SPAG16: variants seen among roughly 807,000 people sequenced by gnomAD.
SPAG16 encodes sperm-associated antigen 16 protein.
A neutral mutation model predicts 80.4 loss-of-function variants in SPAG16; 86 were observed. The ratio of observed to expected loss-of-function variants is 1.07; its 90% CI spans 0.90 to 1.28. The LOEUF is 1.28. SPAG16 is among the 50% of genes most tolerant of loss of function. The pLI is 0.00. For missense variants in SPAG16, 870 were observed against 765.3 expected (o/e 1.14, Z -1.61); for synonymous variants, 294 against 265.9 (o/e 1.11, Z -1.03).
intron 15 of SPAG16, among the ~76,000 whole-genome samples, chr2:214,276,732 T>C (rs1336877494): frequency 6.6e-6 from 1 of 152,184 alleles, no homozygotes; most frequent in Non-Finnish European, 1.5e-5. Context: ...CATTTTTTCC[T>C]TCATTTGAAC....
At chr2:213,859,280 A>G (rs74538847) in intron 10 of SPAG16, among the ~76,000 whole-genome samples, 7,164 of 150,646 alleles carry the variant, frequency 0.048, 201 homozygotes, top group East Asian at 0.072. Flanking sequence ...AAGAAAATGA[A>G]TTAAAGATCT....
At chr2:213,897,530 T>C (rs1202097224) in intron 11 of SPAG16, among the ~76,000 whole-genome samples, 3 of 152,198 alleles carry the variant, frequency 2.0e-5, no homozygotes, top group African/African-American at 7.2e-5. Flanking sequence ...TCTTTATGTT[T>C]CTACATCCAC....
intron 10 of SPAG16, among the ~76,000 whole-genome samples, chr2:213,719,554 G>C (rs1482343184): frequency 6.6e-6 from 1 of 152,212 alleles, no homozygotes; most frequent in African/African-American, 2.4e-5. Context: ...CAGGATGTGG[G>C]TGGGGCCAGA....
At chr2:214,296,943 TCTGTCACCATGTGGCATG>T (rs369891179) in intron 15 of SPAG16, among the ~76,000 whole-genome samples, 1 of 152,194 alleles carries the variant, frequency 6.6e-6, no homozygotes, top group Non-Finnish European at 1.5e-5. Context: ...TCTTGTTCAC[TCTGTCACCATGTGGCATG>T]CTGGCTCCCC....
intron 15 of SPAG16, among the ~76,000 whole-genome samples, chr2:214,347,264 G>A (rs1698113081): frequency 6.6e-6 from 1 of 152,074 alleles, no homozygotes; most frequent in Non-Finnish European, 1.5e-5. Context: ...TCTGAGCAGA[G>A]TGTTGAAGAT....
At chr2:213,499,531 A>T (rs1423807610) in intron 10 of SPAG16, among the ~76,000 whole-genome samples, 1 of 152,132 alleles carries the variant, frequency 6.6e-6, no homozygotes, top group Non-Finnish European at 1.5e-5. Context: ...CAGGTTTTTC[A>T]ACATACTGTG....
At chr2:213,677,973 A>G (rs1252579100) in intron 10 of SPAG16, among the ~76,000 whole-genome samples, 7 of 151,878 alleles carry the variant, frequency 4.6e-5, no homozygotes, top group African/African-American at 9.7e-5. Context: ...CTCACTCAAA[A>G]CCGCTCAACT....
At chr2:213,976,330 G>A (rs1318657636) in intron 12 of SPAG16, among the ~76,000 whole-genome samples, 2 of 148,568 alleles carry the variant, frequency 1.3e-5, no homozygotes, top group Admixed American at 1.3e-4. Flanking sequence ...GTACGCATGT[G>A]TGCACATATA....
In SPAG16 at chr2:214,273,256, A is replaced by G. The variant is rs573985541; in HGVS notation, c.1720+123990A>G. Among the ~76,000 whole-genome samples the G allele has an allele frequency of 1.1e-3, 168 of 152,062 alleles. 1 individual carries two copies. Among genetic ancestry groups the G allele is most frequent in the African/African-American group, 3.9e-3 (160 of 41,474 alleles). On this transcript the variant is annotated intron_variant, in intron 15 of 15. Transcript: ENST00000331683. ...ATTCTGTAGGTTGCCTGTTCACTCTAATGGTAGTTTCTTTTGCTGTGCAGA... is the reference window on the plus strand; with the variant it reads ...ATTCTGTAGGTTGCCTGTTCACTCTGATGGTAGTTTCTTTTGCTGTGCAGA...
At chr2:214,004,824 A>T (rs2046956208) in intron 12 of SPAG16, among the ~76,000 whole-genome samples, 1 of 152,086 alleles carries the variant, frequency 6.6e-6, no homozygotes, top group African/African-American at 2.4e-5. Context: ...CAAGCATGAG[A>T]CCTAGTCAGG....
chr2:213,347,146 C>T (rs1163524715), intron 6 of SPAG16, among the ~76,000 whole-genome samples: 1 of 152,150 alleles, frequency 6.6e-6, no homozygotes, highest in Non-Finnish European at 1.5e-5. Flanking sequence ...TTATCCATTT[C>T]TTCTAGATTT....
At chr2:213,758,897 G>T (rs2068492911) in intron 10 of SPAG16, among the ~76,000 whole-genome samples, 1 of 152,086 alleles carries the variant, frequency 6.6e-6, no homozygotes, top group South Asian at 2.1e-4. Context: ...GACAAAGATA[G>T]AATCTTAAAA....
At chr2:213,471,485 C>G (rs1340117948) in intron 9 of SPAG16, among the ~76,000 whole-genome samples, 1 of 152,144 alleles carries the variant, frequency 6.6e-6, no homozygotes, top group Non-Finnish European at 1.5e-5. Flanking sequence ...TCCACCAAAG[C>G]CCAGTAACAG....
intron 6 of SPAG16, among the ~76,000 whole-genome samples, chr2:213,344,969 A>G (rs893203081): frequency 6.6e-6 from 1 of 152,206 alleles, no homozygotes; most frequent in East Asian, 1.9e-4. Flanking sequence ...GACTTCCACA[A>G]TGGTTGAACT....
chr2:214,230,715 G>C (rs1688633667), intron 15 of SPAG16, among the ~76,000 whole-genome samples: 1 of 151,892 alleles, frequency 6.6e-6, no homozygotes, highest in Non-Finnish European at 1.5e-5. Context: ...ATTTCCAAAA[G>C]GAGGCACAAA....
At chr2:213,883,494 C>T (rs1960216) in intron 11 of SPAG16, among the ~76,000 whole-genome samples, 91,103 of 151,918 alleles carry the variant, frequency 0.6, 29,021 homozygotes, top group South Asian at 0.85. Context: ...TGTGGTTGTT[C>T]GGTAGAATGT....
intron 13 of SPAG16, among the ~76,000 whole-genome samples, chr2:214,088,916 A>G (rs2051971188): frequency 6.6e-6 from 1 of 152,122 alleles, no homozygotes; most frequent in Non-Finnish European, 1.5e-5. Flanking sequence ...AAAGAAGTAA[A>G]AATGGCACAC....
chr2:213,677,831 C>A (rs2064168131), intron 10 of SPAG16, among the ~76,000 whole-genome samples: 1 of 152,156 alleles, frequency 6.6e-6, no homozygotes, highest in South Asian at 2.1e-4. Context: ...TTCAGAACCA[C>A]ACCACACCGA....
At chr2:213,508,686 G>A (rs1164661075) in intron 10 of SPAG16, among the ~76,000 whole-genome samples, 4 of 152,054 alleles carry the variant, frequency 2.6e-5, no homozygotes, top group Admixed American at 6.5e-5. Context: ...CGAACACCAC[G>A]TGTTCTCACT....
Sources: allele counts gnomAD v4.1 joint callset (sites outside exome capture counted in the v4.1 genomes callset), GRCh38; gene constraint gnomAD v4.1.1; transcripts MANE v1.5; gene names NCBI Gene and HGNC (gene_info 2026-07-23, HGNC 2026-07-21).